Variants in GABRG2 observed in about 807,000 individuals in gnomAD.
The protein encoded by GABRG2 is gamma-aminobutyric acid type A receptor subunit gamma2, also known as gamma-aminobutyric acid receptor subunit gamma-2.
A neutral mutation model predicts 56.4 loss-of-function variants in GABRG2; 16 were observed. That is an observed-to-expected ratio of 0.28 (90% confidence interval 0.19 to 0.43). The LOEUF is 0.43. Among genes scored for constraint, GABRG2 ranks in the 20% least tolerant of loss-of-function variants. The probability of loss-of-function intolerance (pLI) is 1.00; values close to 1 mark genes in which losing one functional copy is unlikely to be tolerated. For synonymous variants in GABRG2, 208 were observed against 205.5 expected, an observed-to-expected ratio of 1.01 and a Z score of -0.10; for missense variants, 327 against 582.7, an observed-to-expected ratio of 0.56 and a Z score of 4.52.
At chr5:162,078,453 C>G (rs1448006878) in intron 1 of GABRG2, among the ~76,000 whole-genome samples, 4 of 116,440 alleles carry the variant, frequency 3.4e-5, no homozygotes, top group African/African-American at 1.3e-4. Flanking sequence ...ATCGCCTGGG[C>G]TGGAGTGCAG....
At chr5:162,147,271 C>CT (rs898239468) in intron 7 of GABRG2, among the ~76,000 whole-genome samples, 9 of 148,358 alleles carry the variant, frequency 6.1e-5, no homozygotes, top group African/African-American at 1.2e-4. Flanking sequence ...TTCATTCTTT[C>CT]TTTTTTCTTT....
chr5:162,101,580 CTTT>C (rs34875047), intron 5 of GABRG2: 8 of 381,846 alleles, frequency 2.1e-5, no homozygotes, highest in Admixed American at 4.1e-5. Flanking sequence ...TGCATAGAGC[CTTT>C]TTTTTTTTTG....
chr5:162,146,226 A>T (rs1764939201), intron 7 of GABRG2, among the ~76,000 whole-genome samples: 1 of 152,050 alleles, frequency 6.6e-6, no homozygotes, highest in South Asian at 2.1e-4. Context: ...CATATTTTTC[A>T]TGTATTTATG....
At chr5:162,110,734 T>A (rs1051298349) in intron 6 of GABRG2, among the ~76,000 whole-genome samples, 1 of 152,146 alleles carries the variant, frequency 6.6e-6, no homozygotes, top group Non-Finnish European at 1.5e-5. Flanking sequence ...AGTCTCTTGT[T>A]ACTCCTGAGT....
chr5:162,100,160 T>G (rs1440790976), intron 4 of GABRG2: 1 of 152,122 alleles, frequency 6.6e-6, no homozygotes, highest in Non-Finnish European at 1.5e-5. Context: ...TAATAATACT[T>G]ATTAAATGAG....
At chr5:162,074,023 G>T (rs1275447294) in intron 1 of GABRG2, among the ~76,000 whole-genome samples, 8 of 151,548 alleles carry the variant, frequency 5.3e-5, no homozygotes, top group African/African-American at 1.9e-4. Context: ...AAAATACTTT[G>T]GTTGTTTAGA....
chr5:162,082,216 A>G (rs1025439674), intron 1 of GABRG2, among the ~76,000 whole-genome samples: 6 of 151,792 alleles, frequency 4.0e-5, no homozygotes, highest in Non-Finnish European at 8.9e-5. Flanking sequence ...TAAGAGCCTA[A>G]TTTTACAATA....
At chr5:162,084,743 A>G (rs1444801848) in intron 1 of GABRG2, among the ~76,000 whole-genome samples, 1 of 151,866 alleles carries the variant, frequency 6.6e-6, no homozygotes, top group Non-Finnish European at 1.5e-5. Flanking sequence ...TACTTGATAC[A>G]TTTCTTGATG....
rs553936990 is a variant in GABRG2 at position 162,154,610 on chromosome 5, A to T, written c.*1242A>T. 1 of 152,258 alleles carries T rather than the reference A, an allele frequency of 6.6e-6. No homozygotes were observed. Among genetic ancestry groups the T allele is most frequent in the Admixed American group, 6.6e-5 (1 of 15,264 alleles). The allele number at this position is 152,258 out of a possible 1,614,324, so 9.4% of individuals were successfully genotyped here. A position where few individuals can be genotyped will look rare whatever the true frequency, so the allele number is the denominator to read the frequency against. Reference sequence around the variant, plus strand: ...AGGCAAAGTCCATACTCCTTTTAAAACAATATTTATGTCCTATGTTTGTGT... The same window carrying T: ...AGGCAAAGTCCATACTCCTTTTAAATCAATATTTATGTCCTATGTTTGTGT... On this transcript the variant is annotated 3_prime_UTR_variant, in exon 10 of 10. Coordinates refer to ENST00000639213, the MANE Select transcript of GABRG2 (RefSeq NM_198904.4).
At position 162,154,492 on chromosome 5, in the gene GABRG2, T is replaced by A. The variant is rs755370766; in HGVS notation, c.*1124T>A. The A allele has an allele frequency of 6.6e-6, 1 of 152,196 alleles. No individual in the cohort carries two copies. Among genetic ancestry groups the A allele is most frequent in the Non-Finnish European group, 1.5e-5 (1 of 68,028 alleles). 9.4% of individuals were successfully genotyped at this position (152,196 alleles called of 1,614,324 possible). A position where few individuals can be genotyped will look rare whatever the true frequency, so the allele number is the denominator to read the frequency against. On this transcript the variant is annotated 3_prime_UTR_variant, in exon 10 of 10. Transcript: ENST00000639213. ...GAAACCAGTGACTCATCTTCTCACATAGGTGTTGTCAAGTGATATTTGATT... is the reference window on the plus strand; with the variant it reads ...GAAACCAGTGACTCATCTTCTCACAAAGGTGTTGTCAAGTGATATTTGATT...
chr5:162,108,546 G>A (rs950641200), intron 6 of GABRG2, among the ~76,000 whole-genome samples: 1 of 152,124 alleles, frequency 6.6e-6, no homozygotes, highest in African/African-American at 2.4e-5. Flanking sequence ...TGCCTTTGCT[G>A]ATCTTAATAC....
Position 162,154,309 on chromosome 5 carries a change from C to T in GABRG2, c.*941C>T, listed in dbSNP as rs1381034287. 6.6e-6 allele frequency: 1 copy of T among 152,146 alleles called. No individual in the cohort carries two copies. Among genetic ancestry groups the T allele is most frequent in the Non-Finnish European group, 1.5e-5 (1 of 68,038 alleles). 9.4% of individuals were successfully genotyped at this position (152,146 alleles called of 1,614,324 possible). A position where few individuals can be genotyped will look rare whatever the true frequency, so the allele number is the denominator to read the frequency against. ...AACTTATTCTCCATCTCAAGATCTG[C>T]TTCTAGTGATTGTGAGTGCCTTGTG... On this transcript the variant is annotated 3_prime_UTR_variant, in exon 10 of 10. Coordinates refer to ENST00000639213, the MANE Select transcript of GABRG2 (RefSeq NM_198904.4).
At chr5:162,070,984 G>C (rs1198144404) in intron 1 of GABRG2, among the ~76,000 whole-genome samples, 1 of 145,740 alleles carries the variant, frequency 6.9e-6, no homozygotes, top group Non-Finnish European at 1.5e-5. Context: ...TTATTATTCA[G>C]TTGGGCAGAA....
chr5:162,109,405 TA>T (rs1561647200), intron 6 of GABRG2, among the ~76,000 whole-genome samples: 11 of 138,660 alleles, frequency 7.9e-5, no homozygotes, highest in Non-Finnish European at 1.5e-4. Context: ...TATATATATA[TA>T]TATATATATA....
At chr5:162,114,002 G>A (rs542155025) in intron 6 of GABRG2, among the ~76,000 whole-genome samples, 3 of 152,264 alleles carry the variant, frequency 2.0e-5, no homozygotes, top group Non-Finnish European at 4.4e-5. Context: ...TCTGAATTTT[G>A]ACAGCCCATT....
upstream of GABRG2, chr5:162,067,582 GA>G: frequency 4.3e-6 from 2 of 461,986 alleles, no homozygotes; most frequent in Non-Finnish European, 3.8e-6. Context: ...CCCTGTAAAA[GA>G]AAAAAAATCA....
intron 1 of GABRG2, among the ~76,000 whole-genome samples, chr5:162,091,492 G>A (rs942103570): frequency 2.6e-5 from 4 of 151,878 alleles, no homozygotes; most frequent in Non-Finnish European, 4.4e-5. Flanking sequence ...GACTTATCAG[G>A]GTTAAATAAC....
chr5:162,116,950 G>A lies in GABRG2; in HGVS notation c.769+12924G>A, dbSNP rs1167481932. The stretch of plus-strand genomic sequence containing the variant: ...TGGTTTTCAGATCCCAAGATCATGT[G>A]CCAGGATAAGTTACTTTTAAAAAGA... On this transcript the variant is annotated intron_variant, in intron 6 of 9. Coordinates refer to ENST00000639213, the MANE Select transcript of GABRG2 (RefSeq NM_198904.4). 2.0e-5 allele frequency among the ~76,000 whole-genome samples: 3 copies of A among 152,208 alleles called. No individual in the cohort carries two copies. The East Asian group carries it at 5.8e-4, about 29-fold the overall frequency.
chr5:162,133,333 T>G (rs981224278), intron 6 of GABRG2, among the ~76,000 whole-genome samples: 1 of 152,164 alleles, frequency 6.6e-6, no homozygotes, highest in Non-Finnish European at 1.5e-5. Context: ...TAAGTTTGTT[T>G]ATTCCTACTT....
Sources: allele counts gnomAD v4.1 joint callset (sites outside exome capture counted in the v4.1 genomes callset), GRCh38; gene constraint gnomAD v4.1.1; transcripts MANE v1.5; gene names NCBI Gene and HGNC (gene_info 2026-07-23, HGNC 2026-07-21).